The following OR13C5 variants were observed in gnomAD, a reference collection of about 807,000 sequenced individuals.
OR13C5 encodes olfactory receptor 13C5.
In OR13C5, 9 loss-of-function variants were observed where a neutral mutation model predicts 12.4. The observed-to-expected ratio is 0.72, with a 90% CI of 0.44 to 1.26. The LOEUF is 1.26. Ranked by LOEUF, OR13C5 falls within the 50% of genes most tolerant of loss-of-function variation. OR13C5 has a pLI of 0.00. For missense variants in OR13C5, 361 were observed against 374.4 expected (o/e 0.96, Z 0.29); for synonymous variants, 124 against 139.4 (o/e 0.89, Z 0.78).
Position 104,598,653 on chromosome 9 carries a change from G to T in OR13C5, c.761C>A (p.Thr254Asn). 1 of 1,613,938 alleles carries T rather than the reference G, an allele frequency of 6.2e-7. No individual in the cohort carries two copies. Among genetic ancestry groups the T allele is most frequent in the East Asian group, 2.2e-5 (1 of 44,854 alleles). Residue 254 changes from threonine to asparagine, a missense_variant, in exon 1 of 1, where the codon ACC (threonine) becomes AAC (asparagine). By Grantham distance (65) the Thr-to-Asn change is moderately conservative. Coordinates refer to ENST00000374779, the MANE Select transcript of OR13C5 (RefSeq NM_001004482.1). Reference sequence around the variant, plus strand: ...GGGCTTCATGTACATGAGGAAGATGGTCCCACAGAATGTTATCACCACAGT... The same window carrying T: ...GGGCTTCATGTACATGAGGAAGATGTTCCCACAGAATGTTATCACCACAGT... The part of the protein sequence containing the change: ...RLTVVITFCG[T>N]IFLMYMKPKS...
Position 104,598,496 on chromosome 9 carries a change from T to G in OR13C5, c.918A>C (p.Ala306=). Residue 306 remains alanine (A), a synonymous_variant, in exon 1 of 1, where the codon GCA becomes GCC. Transcript: ENST00000374779. ...TTTTTCTTCTCAGTAGGTGTTTTAC[T>G]GCCTCCTTCACATCCTTGTTTCTAA... ...YSLRNKDVKE[A]VKHLLRRKNF... is the part of the protein sequence containing the mutation. 1 of 1,592,082 alleles carries G rather than the reference T, an allele frequency of 6.3e-7. No homozygotes were observed. Among genetic ancestry groups the G allele is most frequent in the Non-Finnish European group, 8.5e-7 (1 of 1,170,452 alleles).
In OR13C5 at chr9:104,598,650, A is replaced by T. The variant is rs1344672640; in HGVS notation, c.764T>A (p.Ile255Asn). The T allele has an allele frequency of 3.1e-6, 5 of 1,613,960 alleles. No homozygotes were observed. Among genetic ancestry groups the T allele is most frequent in the Non-Finnish European group, 4.2e-6 (5 of 1,179,898 alleles). Residue 255 changes from isoleucine (I) to asparagine (N), a missense_variant, in exon 1 of 1, where the codon ATC becomes AAC. Around this residue, in one of 2 missense-constraint regions of OR13C5, gnomAD observed 294 missense variants for 268.0 expected, o/e 1.10. Coordinates refer to ENST00000374779, the MANE Select transcript of OR13C5 (RefSeq NM_001004482.1). ...CTTGGGCTTCATGTACATGAGGAAGATGGTCCCACAGAATGTTATCACCAC... is the reference window on the plus strand; with the variant it reads ...CTTGGGCTTCATGTACATGAGGAAGTTGGTCCCACAGAATGTTATCACCAC... The part of the protein sequence containing the change: ...LTVVITFCGT[I>N]FLMYMKPKSQ...
At position 104,599,357 on chromosome 9, in the gene OR13C5, A is replaced by G. The variant is rs1826239491; in HGVS notation, c.57T>C (p.Gly19=). The part of the protein sequence containing the change: ...LVEFFLKGLS[G]HPRLELLFFV... ...AAAAGAGTAACTCAAGTCTTGGGTGACCAGAAAGTCCCTTCAGAAAAAATT... is the reference window on the plus strand; with the variant it reads ...AAAAGAGTAACTCAAGTCTTGGGTGGCCAGAAAGTCCCTTCAGAAAAAATT... Residue 19 remains glycine (G), a synonymous_variant, in exon 1 of 1, where the codon GGT becomes GGC. Transcript: ENST00000374779. 2 of 1,576,644 alleles carry G rather than the reference A, an allele frequency of 1.3e-6. No homozygotes were observed. The highest frequency in any genetic ancestry group is 2.2e-5 in the East Asian group (1 of 44,754).
In OR13C5 at chr9:104,598,575, A is replaced by G. The variant is rs773425518; in HGVS notation, c.839T>C (p.Ile280Thr). ...SDDLDATDKL[I>T]FIFYRVMTPM... is the part of the protein sequence containing the mutation. Reference sequence around the variant, plus strand: ...AGTCATCACCCTGTAGAATATGAATATAAGTTTGTCAGTGGCATCCAAGTC... The same window carrying G: ...AGTCATCACCCTGTAGAATATGAATGTAAGTTTGTCAGTGGCATCCAAGTC... The change falls in exon 1 of 1, where the codon ATA (isoleucine) becomes ACA (threonine). Residue 280 changes from isoleucine (I) to threonine (T), a missense_variant. Around this residue, in one of 2 missense-constraint regions of OR13C5, gnomAD observed 294 missense variants for 268.0 expected, o/e 1.10. Transcript: ENST00000374779. 8.1e-6 allele frequency: 13 copies of G among 1,613,480 alleles called. No homozygotes were observed. The highest frequency in any genetic ancestry group is 1.7e-5 in the Admixed American group (1 of 59,924).
rs1395397705 is a variant in OR13C5 at position 104,598,999 on chromosome 9, C to T, written c.415G>A (p.Asp139Asn). The change falls in exon 1 of 1, where the codon GAT (aspartate) becomes AAT (asparagine). Residue 139 changes from aspartate (D) to asparagine (N), a missense_variant. Asp to Asn is a conservative substitution (Grantham distance 23, BLOSUM62 1). This residue lies in a region of OR13C5 where 294 missense variants were observed against 268.0 expected (regional missense o/e 1.10). Transcript: ENST00000374779. ...PLRYPIIMSK[D>N]AYVPMAAGSW... is the part of the protein sequence containing the mutation. ...CCAGCTGCCATGGGTACATAGGCAT[C>T]CTTACTCATGATGATGGGATATCTC... 2 of 1,613,800 alleles carry T rather than the reference C, an allele frequency of 1.2e-6. No individual in the cohort carries two copies. Among genetic ancestry groups the T allele is most frequent in the South Asian group, 1.1e-5 (1 of 91,072 alleles).
chr9:104,598,797 A>AACAATGTT lies in OR13C5; in HGVS notation c.609_616dup (p.Phe206Ter). ...AATTAATAACAAAGGTGTCAATAGG[A>AACAATGTT]ACAATGTTGTGGTCACAAGCAGGAT... On this transcript the variant is annotated stop_gained and frameshift_variant, in exon 1 of 1. Transcript: ENST00000374779. LOFTEE classifies it high-confidence loss of function. 6.2e-7 allele frequency: 1 copy of AACAATGTT among 1,614,052 alleles called. No individual in the cohort carries two copies.
Position 104,598,890 on chromosome 9 carries a change from T to C in OR13C5, c.524A>G (p.Asn175Ser), listed in dbSNP as rs1588128235. Residue 175 changes from asparagine to serine, a missense_variant, in exon 1 of 1, where the codon AAT becomes AGT. Physicochemically the swap from Asn to Ser is conservative, Grantham distance 46. Transcript: ENST00000374779. ...QLPFCRNNIINHFTCEILAVM... is the reference protein window; with the variant it reads ...QLPFCRNNIISHFTCEILAVM... The stretch of plus-strand genomic sequence containing the variant: ...AGCTAGAATTTCACAGGTGAAATGA[T>C]TGATGATGTTATTCCTGCAGAAAGG... The C allele has an allele frequency of 2.5e-6, 4 of 1,613,928 alleles. No homozygotes were observed. Among genetic ancestry groups the C allele is most frequent in the South Asian group, 1.1e-5 (1 of 91,080 alleles).
In OR13C5 at chr9:104,598,497, G is replaced by A. The variant is rs75657002; in HGVS notation, c.917C>T (p.Ala306Val). 4.4e-3 allele frequency: 7,000 copies of A among 1,594,586 alleles called. 253 individuals are homozygous for A. The African/African-American group carries it at 0.081, about 18-fold the overall frequency. The change falls in exon 1 of 1, where the codon GCA (alanine) becomes GTA (valine). Residue 306 changes from alanine (A) to valine (V), a missense_variant. This residue lies in a region of OR13C5 where 294 missense variants were observed against 268.0 expected (regional missense o/e 1.10). Coordinates refer to ENST00000374779, the MANE Select transcript of OR13C5 (RefSeq NM_001004482.1). ...YSLRNKDVKE[A>V]VKHLLRRKNF... Reference sequence around the variant, plus strand: ...TTTTCTTCTCAGTAGGTGTTTTACTGCCTCCTTCACATCCTTGTTTCTAAG... The same window carrying A: ...TTTTCTTCTCAGTAGGTGTTTTACTACCTCCTTCACATCCTTGTTTCTAAG...
At position 104,598,904 on chromosome 9, in the gene OR13C5, C is replaced by T. The variant is rs750841399; in HGVS notation, c.510G>A (p.Arg170=). Residue 170 remains arginine (R), a synonymous_variant, in exon 1 of 1, where the codon AGG becomes AGA. Coordinates refer to ENST00000374779, the MANE Select transcript of OR13C5 (RefSeq NM_001004482.1). ...TVFVVQLPFC[R]NNIINHFTCE... The stretch of plus-strand genomic sequence containing the variant: ...AGGTGAAATGATTGATGATGTTATT[C>T]CTGCAGAAAGGCAATTGTACCACAA... The T allele has an allele frequency of 3.7e-6, 6 of 1,614,036 alleles. No homozygotes were observed. In the South Asian group the frequency reaches 6.6e-5, roughly 18 times the overall value.
In OR13C5 at chr9:104,598,513, T is replaced by C. The variant is rs376937956; in HGVS notation, c.901A>G (p.Lys301Glu). The change falls in exon 1 of 1, where the codon AAG becomes GAG. Residue 301 changes from lysine (K) to glutamate (E), a missense_variant. Around this residue, in one of 2 missense-constraint regions of OR13C5, gnomAD observed 294 missense variants for 268.0 expected, o/e 1.10. Transcript: ENST00000374779. ...MNPLIYSLRN[K>E]DVKEAVKHLL... ...TGTTTTACTGCCTCCTTCACATCCT[T>C]GTTTCTAAGACTGTAGATTAAAGGA... The C allele has an allele frequency of 6.2e-7, 1 of 1,606,412 alleles. No homozygotes were observed.
In OR13C5 at chr9:104,599,225, C is replaced by T. The variant is rs1284074493; in HGVS notation, c.189G>A (p.Leu63=). 6.2e-7 allele frequency: 1 copy of T among 1,610,170 alleles called. No individual in the cohort carries two copies. Among genetic ancestry groups the T allele is most frequent in the East Asian group, 2.2e-5 (1 of 44,638 alleles). Residue 63 remains leucine (L), a synonymous_variant, in exon 1 of 1, where the codon CTG becomes CTA. Coordinates refer to ENST00000374779, the MANE Select transcript of OR13C5 (RefSeq NM_001004482.1). ...PHLHTPMYFF[L]GNLSFLDICY... ...AGATGTCCAAGAAGGAGAGGTTCCC[C>T]AGAAAGAAGTACATAGGGGTGTGAA...
In OR13C5 at chr9:104,598,724, A is replaced by C. The variant is rs768456963; in HGVS notation, c.690T>G (p.Ser230=). 1 of 1,613,872 alleles carries C rather than the reference A, an allele frequency of 6.2e-7. No individual in the cohort carries two copies. Among genetic ancestry groups the C allele is most frequent in the African/African-American group, 1.3e-5 (1 of 74,910 alleles). ...LIILSIFKIS[S]SEGRSKPSST... ...AGGAAGGTTTGCTTCTCCCCTCCGA[A>C]GAGCTAATTTTGAAGATGCTCAAAA... The change falls in exon 1 of 1, where the codon TCT becomes TCG. Residue 230 remains serine, a synonymous_variant. Coordinates refer to ENST00000374779, the MANE Select transcript of OR13C5 (RefSeq NM_001004482.1).
rs777929867 is a variant in OR13C5 at position 104,598,635 on chromosome 9, AT to A, written c.778del (p.Met260Ter). On this transcript the variant is annotated frameshift_variant, in exon 1 of 1. Coordinates refer to ENST00000374779, the MANE Select transcript of OR13C5 (RefSeq NM_001004482.1). LOFTEE classifies it high-confidence loss of function. Reference sequence around the variant, plus strand: ...AAGTGTCTCTTGAGACTTGGGCTTCATGTACATGAGGAAGATGGTCCCACAG... The same window carrying A: ...AAGTGTCTCTTGAGACTTGGGCTTCAGTACATGAGGAAGATGGTCCCACAG... ...TFCGTIFLMY[M>X]KPKSQETLNS... The A allele has an allele frequency of 3.2e-4, 519 of 1,613,956 alleles. 5 individuals are homozygous for A. The East Asian group carries it at 7.0e-3, about 22-fold the overall frequency.
Position 104,598,649 on chromosome 9 carries a change from GAT to G in OR13C5, c.763_764del (p.Ile255LeufsTer14), listed in dbSNP as rs1167637395. Reference sequence around the variant, plus strand: ...ACTTGGGCTTCATGTACATGAGGAAGATGGTCCCACAGAATGTTATCACCACA... The same window carrying G: ...ACTTGGGCTTCATGTACATGAGGAAGGGTCCCACAGAATGTTATCACCACA... ...LTVVITFCGT[I>X]FLMYMKPKSQ... On this transcript the variant is annotated frameshift_variant, in exon 1 of 1. Transcript: ENST00000374779. LOFTEE classifies it high-confidence loss of function. The G allele has an allele frequency of 8.1e-6, 13 of 1,613,872 alleles. No individual in the cohort carries two copies. The highest frequency in any genetic ancestry group is 1.0e-5 in the Non-Finnish European group (12 of 1,179,948).
At position 104,599,058 on chromosome 9, in the gene OR13C5, G is replaced by A. The variant is rs1307924095; in HGVS notation, c.356C>T (p.Ala119Val). The A allele has an allele frequency of 1.2e-6, 2 of 1,612,628 alleles. No individual in the cohort carries two copies. Among genetic ancestry groups the A allele is most frequent in the East Asian group, 2.2e-5 (1 of 44,784 alleles). ...GCAGATAGCCACATAGCGGTCAAAG[G>A]CCATCACGCCCAGAAGCACACACTC... ...TTECVLLGVM[A>V]FDRYVAICNP... Residue 119 changes from alanine to valine, a missense_variant, in exon 1 of 1, where the codon GCC (alanine) becomes GTC (valine). Around this residue, in one of 2 missense-constraint regions of OR13C5, gnomAD observed 294 missense variants for 268.0 expected, o/e 1.10. Coordinates refer to ENST00000374779, the MANE Select transcript of OR13C5 (RefSeq NM_001004482.1).
Position 104,599,026 on chromosome 9 carries a change from G to T in OR13C5, c.388C>A (p.Leu130Met). 1 of 1,613,820 alleles carries T rather than the reference G, an allele frequency of 6.2e-7. No homozygotes were observed. Among genetic ancestry groups the T allele is most frequent in the South Asian group, 1.1e-5 (1 of 91,048 alleles). ...FDRYVAICNP[L>M]RYPIIMSKDA... ...TTACTCATGATGATGGGATATCTCAGAGGGTTGCAGATAGCCACATAGCGG... is the reference window on the plus strand; with the variant it reads ...TTACTCATGATGATGGGATATCTCATAGGGTTGCAGATAGCCACATAGCGG... The change falls in exon 1 of 1, where the codon CTG (leucine) becomes ATG (methionine). Residue 130 changes from leucine (L) to methionine (M), a missense_variant. Leu to Met is a conservative substitution (Grantham distance 15, BLOSUM62 2). Transcript: ENST00000374779.
In OR13C5 at chr9:104,598,786, G is replaced by T. The variant is rs1212175850; in HGVS notation, c.628C>A (p.Pro210Thr). ...TAAGAGACAATAATTAATAACAAAG[G>T]TGTCAATAGGAACAATGTTGTGGTC... Reference protein sequence around the residue: ...LVTTTLFLLTPLLLIIVSYTL... With the variant: ...LVTTTLFLLTTLLLIIVSYTL... The change falls in exon 1 of 1, where the codon CCT becomes ACT. Residue 210 changes from proline to threonine, a missense_variant. Pro to Thr is a conservative substitution (Grantham distance 38). Coordinates refer to ENST00000374779, the MANE Select transcript of OR13C5 (RefSeq NM_001004482.1). 7.4e-6 allele frequency: 12 copies of T among 1,613,946 alleles called. No individual in the cohort carries two copies. Among genetic ancestry groups the T allele is most frequent in the Admixed American group, 1.7e-5 (1 of 59,984 alleles).
chr9:104,598,695 G>T lies in OR13C5; in HGVS notation c.719C>A (p.Thr240Asn). ...CACCACAGTCAGACGAGCTGAGCAG[G>T]TAGAGGAAGGTTTGCTTCTCCCCTC... ...SSEGRSKPSS[T>N]CSARLTVVIT... Residue 240 changes from threonine (T) to asparagine (N), a missense_variant, in exon 1 of 1, where the codon ACC (threonine) becomes AAC (asparagine). Thr to Asn is a moderately conservative substitution (Grantham distance 65). Coordinates refer to ENST00000374779, the MANE Select transcript of OR13C5 (RefSeq NM_001004482.1). 6.2e-7 allele frequency: 1 copy of T among 1,613,978 alleles called. No individual in the cohort carries two copies. The highest frequency in any genetic ancestry group is 1.1e-5 in the South Asian group (1 of 91,068).
Position 104,599,185 on chromosome 9 carries a change from AGGT to A in OR13C5, c.226_228del (p.Thr76del), listed in dbSNP as rs1300603343. The A allele has an allele frequency of 6.2e-7, 1 of 1,611,580 alleles. No individual in the cohort carries two copies. The highest frequency in any genetic ancestry group is 8.5e-7 in the Non-Finnish European group (1 of 1,178,892). ...AAGCTCACTAGCGTGGAGGGAATAG[AGGT>A]GGTGGTGTAGCAGATGTCCAAGAAG... On this transcript the variant is annotated inframe_deletion, in exon 1 of 1. Coordinates refer to ENST00000374779, the MANE Select transcript of OR13C5 (RefSeq NM_001004482.1).
Sources: gnomAD v4.1 joint callset for allele counts on GRCh38, gnomAD v4.1.1 for gene constraint, gnomAD v4.1.1 regional missense constraint, MANE v1.5 for transcripts, NCBI Gene and HGNC (gene_info 2026-07-23, HGNC 2026-07-21) for gene names.